ODAD2: variants seen among roughly 807,000 people sequenced by gnomAD.
ODAD2 encodes the protein outer dynein arm docking complex subunit 2.
ODAD2 carries 89 observed loss-of-function variants against 106.8 expected under a neutral mutation model. That is an observed-to-expected ratio of 0.83 (90% confidence interval 0.70 to 0.99). ODAD2 has a LOEUF of 0.99. Ranked by LOEUF, ODAD2 falls within the 50% of genes least tolerant of loss-of-function variation. The pLI, the probability that ODAD2 is intolerant of heterozygous loss-of-function variation, is 0.00. For synonymous variants in ODAD2, 404 were observed against 436.2 expected (o/e 0.93, Z 0.92); for missense variants, 1,168 against 1,238.5 (o/e 0.94, Z 0.85).
intron 12 of ODAD2, among the ~76,000 whole-genome samples, chr10:27,943,547 G>A (rs1044669729): frequency 1.3e-5 from 2 of 151,810 alleles, no homozygotes; most frequent in African/African-American, 2.4e-5. Context: ...AGCACTTTCG[G>A]AGGCCAAGGT....
At chr10:27,977,125 A>G (rs575371910) in intron 7 of ODAD2, among the ~76,000 whole-genome samples, 1 of 152,298 alleles carries the variant, frequency 6.6e-6, no homozygotes, top group Non-Finnish European at 1.5e-5. Context: ...GGTAAAATTG[A>G]AAAATCTCTA....
At chr10:27,841,938 G>A (rs1408135151) in intron 19 of ODAD2, among the ~76,000 whole-genome samples, 1 of 151,990 alleles carries the variant, frequency 6.6e-6, no homozygotes, top group Non-Finnish European at 1.5e-5. Flanking sequence ...TTTATTTTTT[G>A]TGGAGATAGG....
intron 7 of ODAD2, among the ~76,000 whole-genome samples, chr10:27,979,126 C>CAG (rs1849376255): frequency 6.6e-6 from 1 of 150,416 alleles, no homozygotes; most frequent in Non-Finnish European, 1.5e-5. Context: ...ACGAGAATCA[C>CAG]TTGAACCCGG....
intron 6 of ODAD2, among the ~76,000 whole-genome samples, chr10:27,982,480 T>C (rs182407542): frequency 6.6e-6 from 1 of 152,188 alleles, no homozygotes; most frequent in Non-Finnish European, 1.5e-5. Context: ...GTCCCTTTAT[T>C]CCTAATTAGA....
At chr10:27,903,094 AC>A (rs1281596911) in intron 17 of ODAD2, among the ~76,000 whole-genome samples, 1 of 152,218 alleles carries the variant, frequency 6.6e-6, no homozygotes, top group Non-Finnish European at 1.5e-5. Context: ...CAAAAAGCTT[AC>A]CCAACACGAT....
chr10:27,956,011 G>A (rs148540495), intron 10 of ODAD2, among the ~76,000 whole-genome samples: 220 of 152,090 alleles, frequency 1.4e-3, no homozygotes, highest in African/African-American at 4.9e-3. Flanking sequence ...CTGAGAATAC[G>A]CAATTTGTGG....
chr10:27,840,849 A>G (rs542438620), intron 19 of ODAD2, among the ~76,000 whole-genome samples: 2 of 152,344 alleles, frequency 1.3e-5, no homozygotes, highest in African/African-American at 4.8e-5. Context: ...GAAGTAATTT[A>G]TTGATTTATA....
chr10:27,895,635 C>T (rs1363283650), intron 17 of ODAD2, among the ~76,000 whole-genome samples: 1 of 152,136 alleles, frequency 6.6e-6, no homozygotes, highest in African/African-American at 2.4e-5. Flanking sequence ...AGTTATTTGG[C>T]CCTACTAGTC....
chr10:27,891,250 G>A (rs905736638), intron 17 of ODAD2, among the ~76,000 whole-genome samples: 2 of 152,152 alleles, frequency 1.3e-5, no homozygotes, highest in Admixed American at 6.5e-5. Flanking sequence ...AATTACCCAA[G>A]CATGTATCCC....
At chr10:27,952,618 T>C (rs965480181) in intron 10 of ODAD2, among the ~76,000 whole-genome samples, 1 of 152,124 alleles carries the variant, frequency 6.6e-6, no homozygotes, top group Non-Finnish European at 1.5e-5. Context: ...TCATTGTAGA[T>C]GAACAGTTTT....
intron 16 of ODAD2, among the ~76,000 whole-genome samples, chr10:27,928,780 C>T (rs967215381): frequency 2.6e-5 from 4 of 152,154 alleles, no homozygotes; most frequent in African/African-American, 7.2e-5. Context: ...TTAATTGAAC[C>T]TATTTCTACC....
At chr10:27,845,374 G>A (rs951969494) in intron 19 of ODAD2, among the ~76,000 whole-genome samples, 2 of 152,190 alleles carry the variant, frequency 1.3e-5, no homozygotes, top group African/African-American at 2.4e-5. Flanking sequence ...CAAATGCTGA[G>A]AGATTTTGTC....
chr10:27,941,762 T>C (rs1014621169), intron 12 of ODAD2, among the ~76,000 whole-genome samples: 1 of 152,124 alleles, frequency 6.6e-6, no homozygotes, highest in African/African-American at 2.4e-5. Context: ...AGGCTCACTG[T>C]CTCTATCTGG....
intron 8 of ODAD2, 54 bp downstream of exon 8, chr10:27,971,054 G>A: frequency 2.1e-6 from 2 of 952,938 alleles, no homozygotes; most frequent in Non-Finnish European, 3.1e-6. Flanking sequence ...TGAAAAATTA[G>A]GTGAGTATGG....
intron 16 of ODAD2, 104 bp from the exon 17 acceptor site, chr10:27,907,881 G>T: frequency 1.3e-5 from 11 of 823,154 alleles, no homozygotes; most frequent in African/African-American, 1.8e-5. Flanking sequence ...TTGATATTTT[G>T]CTTAGAATTT....
intron 16 of ODAD2, among the ~76,000 whole-genome samples, chr10:27,929,902 C>A (rs1564514990): frequency 6.6e-6 from 1 of 151,922 alleles, no homozygotes; most frequent in East Asian, 1.9e-4. Context: ...TTACTAAGAT[C>A]TTTTGGGGTC....
rs556427447 is a variant in ODAD2 at position 27,938,141 on chromosome 10, G to A, written c.2098-1261C>T. Among the ~76,000 whole-genome samples, 611 of 152,142 alleles carry A rather than the reference G, an allele frequency of 4.0e-3. 7 individuals carry two copies. Among genetic ancestry groups the A allele is most frequent in the African/African-American group, 0.014 (565 of 41,494 alleles). ...TTTAGTAGAGATGGGGTTTCACCACGTTGGCCAGGCTGGTCTCGAACTCCT... is the reference window on the plus strand; with the variant it reads ...TTTAGTAGAGATGGGGTTTCACCACATTGGCCAGGCTGGTCTCGAACTCCT... On this transcript the variant is annotated intron_variant, in intron 14 of 19. Transcript: ENST00000305242.
At chr10:27,937,006 C>T (rs1846030722) in intron 14 of ODAD2, 126 bp from the exon 15 acceptor site, 2 of 843,216 alleles carry the variant, frequency 2.4e-6, no homozygotes, top group East Asian at 5.5e-5. Flanking sequence ...CGAAAGATGC[C>T]TCCAAGTAAA....
intron 19 of ODAD2, among the ~76,000 whole-genome samples, chr10:27,847,872 A>G (rs1390966316): frequency 6.6e-6 from 1 of 152,212 alleles, no homozygotes; most frequent in Non-Finnish European, 1.5e-5. Context: ...AAGGGATGTG[A>G]AGGTACTCTT....
Sources: allele counts gnomAD v4.1 joint callset (sites outside exome capture counted in the v4.1 genomes callset), GRCh38; gene constraint gnomAD v4.1.1; transcripts MANE v1.5; gene names NCBI Gene and HGNC (gene_info 2026-07-23, HGNC 2026-07-21).